DEPDC4: variants seen among roughly 807,000 people sequenced by gnomAD.
DEPDC4 encodes the protein DEP domain containing 4.
DEPDC4 carries 52 observed loss-of-function variants against 52.0 expected under a neutral mutation model. That is an observed-to-expected ratio of 1.00 (90% CI 0.80 to 1.26). The LOEUF (loss-of-function observed/expected upper bound fraction) is 1.26. DEPDC4 is among the 50% of genes most tolerant of loss of function. The pLI is 0.00. For missense variants in DEPDC4, 530 were observed against 546.9 expected (o/e 0.97, Z 0.31); for synonymous variants, 201 against 196.8 (o/e 1.02, Z -0.18).
chr12:100,269,279 T>C (rs1001661759), upstream of DEPDC4, among the ~76,000 whole-genome samples: 1 of 152,064 alleles, frequency 6.6e-6, no homozygotes, highest in Non-Finnish European at 1.5e-5. Flanking sequence ...GCTTCAAGTA[T>C]GTGGCTTTGG....
upstream of DEPDC4, chr12:100,267,457 T>G: frequency 5.9e-6 from 1 of 170,178 alleles, no homozygotes; most frequent in Non-Finnish European, 1.3e-5. Flanking sequence ...TCGCCTGGGC[T>G]CCCGGAGCCG....
rs1442765467 is a variant in DEPDC4, at chr12:100,257,636, A to G, written c.701-1410T>C. 2.0e-5 allele frequency: 3 copies of G among 152,200 alleles called. No homozygotes were observed. The East Asian group carries it at 5.8e-4, about 29-fold the overall frequency. 9.4% of individuals were successfully genotyped at this position (152,200 alleles called of 1,614,324 possible). ...GTCATCTGCCTGCCTTGGCCTCCCAAAGTGCTGAGATTACAGATGTGAGCC... is the reference window on the plus strand; with the variant it reads ...GTCATCTGCCTGCCTTGGCCTCCCAGAGTGCTGAGATTACAGATGTGAGCC... On this transcript the variant is annotated intron_variant, in intron 3 of 9. Coordinates refer to ENST00000550587, the MANE Select transcript of DEPDC4 (RefSeq NM_001364818.2).
chr12:100,239,140 G>C (rs1378405849), downstream of DEPDC4, among the ~76,000 whole-genome samples: 1 of 151,866 alleles, frequency 6.6e-6, no homozygotes, highest in East Asian at 1.9e-4. Flanking sequence ...GCAGCGGTGT[G>C]ATCTCAGCTC....
rs755774466 is a variant in DEPDC4 at position 100,266,971 on chromosome 12, C to T, written c.106G>A (p.Gly36Arg). ...TCTCTACGGTTCCTGGAACTTGGCC[C>T]GTTCAGCCCTGGGCCCGGAAGCTCG... is the stretch of plus-strand genomic sequence containing the variant. ...QNELPGPGLN[G>R]PSSRNRRDGF... Residue 36 changes from glycine to arginine, a missense_variant, in exon 1 of 10, where the codon GGG becomes AGG. Gly to Arg is a moderately radical substitution (Grantham distance 125). Coordinates refer to ENST00000550587, the MANE Select transcript of DEPDC4 (RefSeq NM_001364818.2). 2 of 1,614,038 alleles carry T rather than the reference C, an allele frequency of 1.2e-6. No homozygotes were observed. The highest frequency in any genetic ancestry group is 1.7e-5 in the Admixed American group (1 of 59,982).
chr12:100,269,777 C>T (rs190747858), upstream of DEPDC4, among the ~76,000 whole-genome samples: 15 of 152,214 alleles, frequency 9.9e-5, no homozygotes, highest in East Asian at 2.7e-3. Context: ...TGCTGTTCAT[C>T]AGAATCACTT....
chr12:100,250,800 C>T (rs2096204526), intron 7 of DEPDC4, among the ~76,000 whole-genome samples: 1 of 152,178 alleles, frequency 6.6e-6, no homozygotes, highest in Non-Finnish European at 1.5e-5. Flanking sequence ...GAGAATTTTA[C>T]TTTAGTGACT....
Position 100,267,009 on chromosome 12 carries a change from A to C in DEPDC4, c.68T>G (p.Leu23Arg). The change falls in exon 1 of 10, where the codon CTT becomes CGT. Residue 23 changes from leucine (L) to arginine (R), a missense_variant. By Grantham distance (102) the Leu-to-Arg change is moderately radical. Coordinates refer to ENST00000550587, the MANE Select transcript of DEPDC4 (RefSeq NM_001364818.2). Reference protein sequence around the residue: ...AVLLTPRFRRLVSQNELPGPG... With the variant: ...AVLLTPRFRRRVSQNELPGPG... ...GCCCGGAAGCTCGTTCTGACTGACA[A>C]GTCTACGGAACCTCGGAGTCAAAAG... 6.2e-7 allele frequency: 1 copy of C among 1,614,092 alleles called. No homozygotes were observed. The highest frequency in any genetic ancestry group is 8.5e-7 in the Non-Finnish European group (1 of 1,179,988).
At chr12:100,252,970 G>A (rs546852293) in intron 5 of DEPDC4, among the ~76,000 whole-genome samples, 12 of 152,266 alleles carry the variant, frequency 7.9e-5, no homozygotes, top group South Asian at 6.2e-4. Flanking sequence ...AGGCTGGTGC[G>A]CAGTGGCGCG....
At chr12:100,272,873 G>A in the DEPDC4 span, among the ~76,000 whole-genome samples, 3 of 152,052 alleles carry the variant, frequency 2.0e-5, no homozygotes, top group Non-Finnish European at 4.4e-5. Context: ...AGTATATAAC[G>A]TAGTTTAACA....
upstream of DEPDC4, chr12:100,267,257 C>T: frequency 1.6e-6 from 1 of 635,700 alleles, no homozygotes; most frequent in East Asian, 2.9e-5. Flanking sequence ...ACGTTTGCGG[C>T]CGCGGGGGCG....
At chr12:100,261,459 T>C (rs1424306479) in intron 3 of DEPDC4, among the ~76,000 whole-genome samples, 1 of 152,162 alleles carries the variant, frequency 6.6e-6, no homozygotes, top group African/African-American at 2.4e-5. Context: ...AAAACACAAG[T>C]AGATGAAGTA....
intron 8 of DEPDC4, among the ~76,000 whole-genome samples, chr12:100,248,267 C>T (rs928613545): frequency 1.3e-5 from 2 of 152,008 alleles, no homozygotes; most frequent in African/African-American, 2.4e-5. Context: ...ATTCCCATTT[C>T]GTAGTTGAGG....
chr12:100,245,543 G>C (rs925603920), intron 8 of DEPDC4, among the ~76,000 whole-genome samples: 16 of 152,226 alleles, frequency 1.1e-4, no homozygotes, highest in African/African-American at 2.2e-4. Flanking sequence ...GGGATTACAG[G>C]CATGAGCCAC....
the DEPDC4 span, among the ~76,000 whole-genome samples, chr12:100,278,790 C>G: frequency 6.6e-6 from 1 of 151,886 alleles, no homozygotes; most frequent in Non-Finnish European, 1.5e-5. Flanking sequence ...CCACCATGCC[C>G]AGTTAATTTT....
chr12:100,233,208 A>G (rs2096136985), intron 9 of DEPDC4, among the ~76,000 whole-genome samples: 1 of 152,114 alleles, frequency 6.6e-6, no homozygotes, highest in African/African-American at 2.4e-5. Context: ...TCAAAGTTAA[A>G]TTTACTCTCA....
rs1389229335 is a variant in DEPDC4 at position 100,261,710 on chromosome 12, T to C, written c.700+554A>G. ...ATTGTAAAAAATGAATTAAGTGTTA[T>C]TAGATGTATATTGCCTCACCTGTCT... On this transcript the variant is annotated intron_variant, in intron 3 of 9. Coordinates refer to ENST00000550587, the MANE Select transcript of DEPDC4 (RefSeq NM_001364818.2). 5 of 456,582 alleles carry C rather than the reference T, an allele frequency of 1.1e-5. No homozygotes were observed. The Admixed American group carries it at 1.2e-4, about 11-fold the overall frequency. The allele number at this position is 456,582 out of a possible 1,614,324, so 28.3% of individuals were successfully genotyped here.
chr12:100,237,352 C>T (rs772890310), downstream of DEPDC4, among the ~76,000 whole-genome samples: 74 of 151,920 alleles, frequency 4.9e-4, no homozygotes, highest in Middle Eastern at 3.4e-3. Context: ...GGACTACAGG[C>T]GTGTGCCACC....
intron 8 of DEPDC4, among the ~76,000 whole-genome samples, chr12:100,244,527 T>A (rs1293245907): frequency 6.6e-6 from 1 of 151,884 alleles, no homozygotes; most frequent in Non-Finnish European, 1.5e-5. Context: ...CCAGCTGTAG[T>A]GCAGTGGCGT....
In DEPDC4 at chr12:100,252,288, G is replaced by GTT; in HGVS notation, c.1260_1261dup (p.Thr421LysfsTer5). On this transcript the variant is annotated frameshift_variant, in exon 7 of 10. Transcript: ENST00000550587. LOFTEE classifies it high-confidence loss of function. The stretch of plus-strand genomic sequence containing the variant: ...TTTGGCAAGAGTTTTCAGGACCACT[G>GTT]TTTTATTATCATACTGTAAACAGAA... 6.9e-7 allele frequency: 1 copy of GTT among 1,445,750 alleles called. No individual in the cohort carries two copies. 89.6% of individuals were successfully genotyped at this position (1,445,750 alleles called of 1,614,324 possible).
Sources: gnomAD v4.1 joint callset for allele counts (sites outside exome capture counted in the v4.1 genomes callset) on GRCh38, gnomAD v4.1.1 for gene constraint, MANE v1.5 for transcripts, NCBI Gene and HGNC (gene_info 2026-07-23, HGNC 2026-07-21) for gene names.